Variants in MRPS9 observed in about 807,000 individuals in gnomAD.
The protein encoded by MRPS9 is mitochondrial ribosomal protein S9.
In MRPS9, 45 loss-of-function variants were observed where a neutral mutation model predicts 59.9. The ratio of observed to expected loss-of-function variants is 0.75; its 90% CI spans 0.59 to 0.96. The LOEUF is 0.96. Ranked by LOEUF, MRPS9 falls within the 40% of genes least tolerant of loss-of-function variation. The pLI is 0.00. For synonymous variants in MRPS9, 171 were observed against 166.8 expected, an observed-to-expected ratio of 1.03 and a Z score of -0.19; for missense variants, 473 against 481.1, an observed-to-expected ratio of 0.98 and a Z score of 0.16.
At position 105,097,140 on chromosome 2, in the gene MRPS9, T is replaced by A. The variant is rs1389420356; in HGVS notation, c.930-15T>A. ...TATAGTAAACGTAACCACATTTACT[T>A]GTGCTGTGCTTTAGAGAACAGCTGA... On this transcript the variant is annotated splice_polypyrimidine_tract_variant and intron_variant, in intron 9 of 10. Coordinates refer to ENST00000258455, the MANE Select transcript of MRPS9 (RefSeq NM_182640.3). 1 of 1,496,774 alleles carries A rather than the reference T, an allele frequency of 6.7e-7. No homozygotes were observed. Among genetic ancestry groups the A allele is most frequent in the African/African-American group, 1.4e-5 (1 of 70,458 alleles). 92.7% of individuals were successfully genotyped at this position (1,496,774 alleles called of 1,614,324 possible). A position where few individuals can be genotyped will look rare whatever the true frequency, so the allele number is the denominator to read the frequency against.
At chr2:105,062,135 T>TACAC (rs147854140) in intron 2 of MRPS9, among the ~76,000 whole-genome samples, 2 of 151,462 alleles carry the variant, frequency 1.3e-5, no homozygotes, top group African/African-American at 2.4e-5. Context: ...ACACTTCTGT[T>TACAC]ACACACACAC....
At chr2:105,058,937 C>A (rs1166048183) in intron 2 of MRPS9, among the ~76,000 whole-genome samples, 2 of 152,112 alleles carry the variant, frequency 1.3e-5, no homozygotes, top group Admixed American at 1.3e-4. Context: ...CTCGGCCTCC[C>A]AAAGTGCTGG....
At chr2:105,094,406 A>G (rs377712351) in intron 9 of MRPS9, among the ~76,000 whole-genome samples, 4 of 152,194 alleles carry the variant, frequency 2.6e-5, no homozygotes, top group South Asian at 4.1e-4. Flanking sequence ...TTATTTTCCC[A>G]GTACTTACTG....
intron 1 of MRPS9, among the ~76,000 whole-genome samples, chr2:105,043,779 T>G (rs542239646): frequency 1.3e-4 from 20 of 150,578 alleles, no homozygotes; most frequent in African/African-American, 4.2e-4. Flanking sequence ...GGATTACAGG[T>G]GCCCACCACC....
chr2:105,044,717 A>C (rs1016487301), intron 1 of MRPS9, among the ~76,000 whole-genome samples: 8 of 152,228 alleles, frequency 5.3e-5, no homozygotes, highest in African/African-American at 1.9e-4. Context: ...ATCAAGTGAA[A>C]AACCAAGTCT....
At chr2:105,068,380 T>G (rs573973032) in intron 2 of MRPS9, among the ~76,000 whole-genome samples, 14 of 152,190 alleles carry the variant, frequency 9.2e-5, no homozygotes, top group Non-Finnish European at 1.8e-4. Context: ...ACATAAAATA[T>G]TTCAGAATTA....
chr2:105,042,610 G>A (rs555396890), intron 1 of MRPS9, among the ~76,000 whole-genome samples: 9 of 152,342 alleles, frequency 5.9e-5, no homozygotes, highest in Admixed American at 5.2e-4. Flanking sequence ...GTGTGCACAT[G>A]TGGGTACATC....
intron 1 of MRPS9, among the ~76,000 whole-genome samples, chr2:105,043,545 T>C (rs1679538008): frequency 6.6e-6 from 1 of 152,240 alleles, no homozygotes. Context: ...TGAACCTGCA[T>C]GGATAACTTT....
chr2:105,039,195 G>A (rs1422353532), intron 1 of MRPS9, among the ~76,000 whole-genome samples: 1 of 151,012 alleles, frequency 6.6e-6, no homozygotes, highest in Non-Finnish European at 1.5e-5. Flanking sequence ...AATTATTGCA[G>A]GAAAGTCAAA....
chr2:105,099,694 G>C lies in MRPS9; in HGVS notation c.1124G>C (p.Arg375Pro). Residue 375 changes from arginine (R) to proline (P), a missense_variant, in exon 11 of 11, where the codon CGT (arginine) becomes CCT (proline). Transcript: ENST00000258455. The stretch of plus-strand genomic sequence containing the variant: ...GCTGGACTACTTACTACTGATCCAC[G>C]TGTGAGGGAACGGAAGAAGCCAGGC... ...RQAGLLTTDP[R>P]VRERKKPGQE... 6.2e-7 allele frequency: 1 copy of C among 1,614,090 alleles called. No homozygotes were observed. Among genetic ancestry groups the C allele is most frequent in the South Asian group, 1.1e-5 (1 of 91,074 alleles).
Position 105,047,382 on chromosome 2 carries a change from G to T in MRPS9, c.136-1789G>T, listed in dbSNP as rs184242284. On this transcript the variant is annotated intron_variant, in intron 1 of 10. Coordinates refer to ENST00000258455, the MANE Select transcript of MRPS9 (RefSeq NM_182640.3). ...AAACATATATTTTTTTCATTAATTG[G>T]GTATTGTTACATTTCTCCTGTATTT... 1.1e-3 allele frequency among the ~76,000 whole-genome samples: 170 copies of T among 151,728 alleles called. 1 individual carries two copies. The highest frequency in any genetic ancestry group is 3.9e-3 in the African/African-American group (163 of 41,408).
chr2:105,087,761 A>C (rs1436209384), intron 5 of MRPS9, among the ~76,000 whole-genome samples: 1 of 150,194 alleles, frequency 6.7e-6, no homozygotes. Flanking sequence ...TCAAAGGCTC[A>C]GTCTGTACTT....
In MRPS9 at chr2:105,038,140, T is replaced by G. The variant is rs759597374; in HGVS notation, c.48T>G (p.Leu16=). ...ACGGCGGAGCAGTTTCGTACCGGCTTCTTCTCTGGGGTAGGGGTAGCCTCG... is the reference window on the plus strand; with the variant it reads ...ACGGCGGAGCAGTTTCGTACCGGCTGCTTCTCTGGGGTAGGGGTAGCCTCG... ...VSYGGAVSYR[L]LLWGRGSLAR... Residue 16 remains leucine, a synonymous_variant, in exon 1 of 11, where the codon CTT becomes CTG. Transcript: ENST00000258455. 4.8e-5 allele frequency: 77 copies of G among 1,613,798 alleles called. No homozygotes were observed. The highest frequency in any genetic ancestry group is 6.1e-5 in the Non-Finnish European group (72 of 1,179,982).
At chr2:105,064,298 GA>G (rs1238183324) in intron 2 of MRPS9, among the ~76,000 whole-genome samples, 3 of 152,044 alleles carry the variant, frequency 2.0e-5, no homozygotes, top group Admixed American at 6.6e-5. Flanking sequence ...ACAGGGTTTG[GA>G]AAAAGCCCTC....
At chr2:105,062,339 T>C (rs990164073) in intron 2 of MRPS9, among the ~76,000 whole-genome samples, 1 of 152,192 alleles carries the variant, frequency 6.6e-6, no homozygotes, top group African/African-American at 2.4e-5. Context: ...CTCTGTAGTG[T>C]TAAGAGATGT....
chr2:105,052,760 A>AGTT (rs1331995508), intron 2 of MRPS9, among the ~76,000 whole-genome samples: 1 of 151,954 alleles, frequency 6.6e-6, no homozygotes, highest in East Asian at 1.9e-4. Context: ...TTTCTTTGTG[A>AGTT]GTTGTTGTTG....
chr2:105,043,666 T>A (rs1679539907), intron 1 of MRPS9, among the ~76,000 whole-genome samples: 1 of 152,146 alleles, frequency 6.6e-6, no homozygotes, highest in Non-Finnish European at 1.5e-5. Context: ...AGAGTCTTGC[T>A]CTGTCACCCG....
intron 2 of MRPS9, among the ~76,000 whole-genome samples, chr2:105,055,782 T>G (rs6735232): frequency 0.21 from 31,473 of 152,116 alleles, 3,333 homozygotes; most frequent in Middle Eastern, 0.35. Context: ...GCAGTATATA[T>G]CAACTGAAAG....
At chr2:105,038,592 A>C (rs945835044) in intron 1 of MRPS9, 3 of 195,326 alleles carry the variant, frequency 1.5e-5, no homozygotes, top group Non-Finnish European at 3.2e-5. Flanking sequence ...GAGAAGAATG[A>C]TGGGAATTGG....
Sources: gnomAD v4.1 joint callset for allele counts (sites outside exome capture counted in the v4.1 genomes callset) on GRCh38, gnomAD v4.1.1 for gene constraint, MANE v1.5 for transcripts, NCBI Gene and HGNC (gene_info 2026-07-23, HGNC 2026-07-21) for gene names.